DOCK10: variants seen among roughly 807,000 people sequenced by gnomAD.
DOCK10 encodes the protein dedicator of cytokinesis 10.
A neutral mutation model predicts 280.1 loss-of-function variants in DOCK10; 145 were observed. The observed-to-expected ratio is 0.52, with a 90% CI of 0.45 to 0.59. DOCK10 has a LOEUF of 0.59. Ranked by LOEUF, DOCK10 falls within the 20% of genes least tolerant of loss-of-function variation. The pLI, the probability that DOCK10 is intolerant of heterozygous loss-of-function variation, is 0.00. For missense variants in DOCK10, 2,368 were observed against 2,651.7 expected, an observed-to-expected ratio of 0.89 and a Z score of 2.35; for synonymous variants, 915 against 942.2, an observed-to-expected ratio of 0.97 and a Z score of 0.53.
chr2:224,832,008 C>T (rs1450355260), intron 26 of DOCK10, among the ~76,000 whole-genome samples: 1 of 152,160 alleles, frequency 6.6e-6, no homozygotes, highest in Non-Finnish European at 1.5e-5. Context: ...CAAAGCTCAT[C>T]CCAGGATGGG....
intron 17 of DOCK10, among the ~76,000 whole-genome samples, chr2:224,852,686 TA>T (rs1310651140): frequency 1.3e-5 from 2 of 151,802 alleles, no homozygotes; most frequent in Non-Finnish European, 2.9e-5. Context: ...CTTAAGAAAC[TA>T]AAAAAAATAG....
intron 3 of DOCK10, among the ~76,000 whole-genome samples, chr2:224,910,971 TCTCCC>T (rs1284839525): frequency 1.0e-5 from 1 of 96,094 alleles, no homozygotes; most frequent in Non-Finnish European, 2.5e-5. Flanking sequence ...CTCCTTTCTC[TCTCCC>T]TTTTTTTTTT....
chr2:224,853,098 G>A lies in DOCK10; in HGVS notation c.1913C>T (p.Pro638Leu). ...HPNCVTSSFI[P>L]VKPFNMMAQT... Reference sequence around the variant, plus strand: ...AGCCATCATGTTGAAAGGCTTGACAGGGATAAAGGACGATGTTACACAATC... The same window carrying A: ...AGCCATCATGTTGAAAGGCTTGACAAGGATAAAGGACGATGTTACACAATC... The change falls in exon 17 of 56, where the codon CCT becomes CTT. Residue 638 changes from proline to leucine, a missense_variant. Pro to Leu is a moderately conservative substitution (Grantham distance 98). Transcript: ENST00000258390. The A allele has an allele frequency of 6.2e-7, 1 of 1,601,946 alleles. No individual in the cohort carries two copies. The highest frequency in any genetic ancestry group is 1.1e-5 in the South Asian group (1 of 89,302).
intron 4 of DOCK10, among the ~76,000 whole-genome samples, chr2:224,890,541 A>G (rs141778465): frequency 3.0e-3 from 460 of 152,374 alleles, no homozygotes; most frequent in African/African-American, 0.011. Context: ...AATGCCGCAG[A>G]AGTGTCTGTC....
intron 50 of DOCK10, among the ~76,000 whole-genome samples, chr2:224,785,721 C>A (rs1333953926): frequency 6.6e-6 from 1 of 152,164 alleles, no homozygotes; most frequent in Non-Finnish European, 1.5e-5. Context: ...ACCTCGTGAT[C>A]CGCCCGCCTC....
intron 1 of DOCK10, among the ~76,000 whole-genome samples, chr2:224,947,235 G>T (rs1703471432): frequency 6.6e-6 from 1 of 152,174 alleles, no homozygotes; most frequent in Non-Finnish European, 1.5e-5. Context: ...TAAGAGAATT[G>T]TTCACAGCTA....
chr2:224,848,370 T>C (rs1350898284), intron 19 of DOCK10, among the ~76,000 whole-genome samples: 1 of 152,168 alleles, frequency 6.6e-6, no homozygotes, highest in Non-Finnish European at 1.5e-5. Flanking sequence ...GGTTAGAAAT[T>C]AAATTTTTTC....
intron 4 of DOCK10, chr2:224,893,767 C>A: frequency 3.1e-6 from 1 of 327,584 alleles, no homozygotes; most frequent in South Asian, 2.6e-5. Flanking sequence ...ATTTTGCAGT[C>A]TCAGCAACTC....
chr2:224,980,492 C>T (rs1052052553), intron 1 of DOCK10, among the ~76,000 whole-genome samples: 4 of 152,156 alleles, frequency 2.6e-5, no homozygotes, highest in African/African-American at 4.8e-5. Flanking sequence ...TGTTCATTGG[C>T]GGATTCCAAG....
Position 224,765,587 on chromosome 2 carries a change from C to G in DOCK10, c.*134G>C. 1 of 597,296 alleles carries G rather than the reference C, an allele frequency of 1.7e-6. No individual in the cohort carries two copies. Among genetic ancestry groups the G allele is most frequent in the Non-Finnish European group, 2.8e-6 (1 of 356,290 alleles). The allele number at this position is 597,296 out of a possible 1,614,324, so 37.0% of individuals were successfully genotyped here. On this transcript the variant is annotated 3_prime_UTR_variant, in exon 56 of 56. Transcript: ENST00000258390. Reference sequence around the variant, plus strand: ...TGCAAATTCAGAGGTTGGCAAAATTCTGAAGCTAGCGAGGTAAACAAAAAT... The same window carrying G: ...TGCAAATTCAGAGGTTGGCAAAATTGTGAAGCTAGCGAGGTAAACAAAAAT...
chr2:225,009,650 AAG>A (rs1689379992), intron 1 of DOCK10, among the ~76,000 whole-genome samples: 9 of 151,310 alleles, frequency 5.9e-5, no homozygotes, highest in African/African-American at 2.2e-4. Flanking sequence ...AAAAAAAAAA[AAG>A]AAAGAAAAAA....
intron 1 of DOCK10, among the ~76,000 whole-genome samples, chr2:225,011,585 C>T (rs1351554111): frequency 6.6e-6 from 1 of 152,096 alleles, no homozygotes; most frequent in Non-Finnish European, 1.5e-5. Context: ...ATAATACCTT[C>T]GAAACTGAAA....
At chr2:224,982,951 C>A (rs7566475) in intron 1 of DOCK10, among the ~76,000 whole-genome samples, 118,325 of 152,162 alleles carry the variant, frequency 0.78, 46,703 homozygotes, top group African/African-American at 0.92. Context: ...ATGATTTAAC[C>A]AAAGTATGCA....
intron 11 of DOCK10, among the ~76,000 whole-genome samples, chr2:224,867,571 T>C (rs1221759984): frequency 6.6e-6 from 1 of 152,228 alleles, no homozygotes; most frequent in South Asian, 2.1e-4. Context: ...AGGGGACATT[T>C]CTTGGTCAAG....
intron 42 of DOCK10, 54 bp downstream of exon 42, chr2:224,797,778 C>G (rs1264241670): frequency 6.4e-7 from 1 of 1,572,026 alleles, no homozygotes; most frequent in African/African-American, 1.4e-5. Context: ...GTTTACTATT[C>G]TATGGGTTTA....
intron 1 of DOCK10, among the ~76,000 whole-genome samples, chr2:224,968,399 A>G (rs1238189950): frequency 6.6e-6 from 1 of 152,214 alleles, no homozygotes; most frequent in African/African-American, 2.4e-5. Flanking sequence ...GCTCAACCCC[A>G]CACAACAGTT....
intron 2 of DOCK10, among the ~76,000 whole-genome samples, chr2:224,917,358 C>T (rs1322275419): frequency 1.3e-5 from 2 of 152,010 alleles, no homozygotes; most frequent in Admixed American, 6.5e-5. Context: ...CCACCCGCCT[C>T]GGCCTCCCAA....
rs754742176 is a variant in DOCK10 at position 224,800,179 on chromosome 2, A to C, written c.4478T>G (p.Leu1493Arg). Residue 1493 changes from leucine to arginine, a missense_variant, in exon 41 of 56, where the codon CTG becomes CGG. Transcript: ENST00000258390. The part of the protein sequence containing the change: ...ATEVCLTILD[L>R]LSLFTQTHQR... Reference sequence around the variant, plus strand: ...ATGAGTCTGTGTGAAGAGGGATAACAGGTCCAGAATAGTGAGGCAAACCTC... The same window carrying C: ...ATGAGTCTGTGTGAAGAGGGATAACCGGTCCAGAATAGTGAGGCAAACCTC... 1.2e-5 allele frequency: 19 copies of C among 1,610,302 alleles called. No homozygotes were observed. Among genetic ancestry groups the C allele is most frequent in the Non-Finnish European group, 1.5e-5 (18 of 1,177,352 alleles).
chr2:224,806,000 A>G lies in DOCK10; in HGVS notation c.3814+126T>C. The stretch of plus-strand genomic sequence containing the variant: ...ATGTAAAAAGACTCTTTGGTTGTAT[A>G]AATGTAGTATACTTTGCCACGTAGA... On this transcript the variant is annotated intron_variant, in intron 34 of 55. Coordinates refer to ENST00000258390, the MANE Select transcript of DOCK10 (RefSeq NM_014689.3). The surrounding 1 kb of genome is among the most constrained non-coding windows in gnomAD (Gnocchi z 4.3). 5 of 584,156 alleles carry G rather than the reference A, an allele frequency of 8.6e-6. No homozygotes were observed. Among genetic ancestry groups the G allele is most frequent in the Non-Finnish European group, 1.5e-5 (5 of 336,970 alleles). The allele number at this position is 584,156 out of a possible 1,614,324, so 36.2% of individuals were successfully genotyped here.
Sources: gnomAD v4.1 joint callset for allele counts (sites outside exome capture counted in the v4.1 genomes callset) on GRCh38, gnomAD v4.1.1 for gene constraint, Gnocchi (gnomAD v3.1) non-coding constraint, MANE v1.5 for transcripts, NCBI Gene and HGNC (gene_info 2026-07-23, HGNC 2026-07-21) for gene names.